Variants in BICD1 observed in about 807,000 individuals in gnomAD.
BICD1 encodes the protein protein bicaudal D homolog 1.
In BICD1, 35 loss-of-function variants were observed where a neutral mutation model predicts 92.5. The ratio of observed to expected loss-of-function variants is 0.38; its 90% CI spans 0.29 to 0.50. BICD1 has a LOEUF of 0.50. Ranked by LOEUF, BICD1 falls within the 20% of genes least tolerant of loss-of-function variation. The pLI is 0.93. For missense variants in BICD1, 950 were observed against 1,189.8 expected, an observed-to-expected ratio of 0.80 and a Z score of 2.97; for synonymous variants, 429 against 465.1, an observed-to-expected ratio of 0.92 and a Z score of 1.00.
intron 1 of BICD1, among the ~76,000 whole-genome samples, chr12:32,120,430 G>T (rs550889108): frequency 6.6e-6 from 1 of 152,282 alleles, no homozygotes; most frequent in East Asian, 1.9e-4. Flanking sequence ...GCAGTTTGGC[G>T]TGGGTCTGTG....
intron 2 of BICD1, among the ~76,000 whole-genome samples, chr12:32,222,437 G>A (rs78951969): frequency 0.011 from 1,673 of 152,204 alleles, 13 homozygotes; most frequent in Non-Finnish European, 0.015. Flanking sequence ...GATGGGGCAC[G>A]TGGATCAAAG....
At chr12:32,183,081 T>G (rs1235968291) in intron 1 of BICD1, among the ~76,000 whole-genome samples, 15 of 151,388 alleles carry the variant, frequency 9.9e-5, no homozygotes, top group Non-Finnish European at 2.2e-4. Flanking sequence ...TTAAATGTTT[T>G]GTAGAGACGG....
intron 2 of BICD1, among the ~76,000 whole-genome samples, chr12:32,275,756 C>T (rs2136156401): frequency 6.6e-6 from 1 of 152,292 alleles, no homozygotes; most frequent in Middle Eastern, 3.4e-3. Flanking sequence ...TCCAGCGAGA[C>T]TCCCATTGCC....
chr12:32,117,681 CAT>C (rs59928422), intron 1 of BICD1, among the ~76,000 whole-genome samples: 39,580 of 135,524 alleles, frequency 0.29, 6,111 homozygotes, highest in Middle Eastern at 0.37. Context: ...TACGCTTAGT[CAT>C]ATATATATAT....
chr12:32,108,747 A>G (rs1592308266), intron 1 of BICD1: 2 of 640,848 alleles, frequency 3.1e-6, no homozygotes, highest in East Asian at 2.8e-5. Flanking sequence ...TTTTATTTGG[A>G]TGCCTGTCTA....
At chr12:32,241,002 G>A (rs1268560386) in intron 2 of BICD1, among the ~76,000 whole-genome samples, 1 of 152,158 alleles carries the variant, frequency 6.6e-6, no homozygotes, top group Non-Finnish European at 1.5e-5. Flanking sequence ...GGGCCAGTCA[G>A]CAGAGGAGGG....
chr12:32,150,424 T>C (rs1385123406), intron 1 of BICD1, among the ~76,000 whole-genome samples: 1 of 152,206 alleles, frequency 6.6e-6, no homozygotes, highest in African/African-American at 2.4e-5. Flanking sequence ...TTGGGCTTTC[T>C]TTGTACAAAC....
At chr12:32,170,397 A>G (rs1001092065) in intron 1 of BICD1, among the ~76,000 whole-genome samples, 30 of 152,224 alleles carry the variant, frequency 2.0e-4, no homozygotes, top group African/African-American at 7.2e-4. Context: ...TGTCTGAGCC[A>G]CTTATGAACA....
chr12:32,346,635 C>T (rs1176788926), intron 8 of BICD1, among the ~76,000 whole-genome samples: 26 of 25,120 alleles, frequency 1.0e-3, no homozygotes, highest in South Asian at 2.6e-3. Flanking sequence ...TATATATATA[C>T]GTGTATATAT....
At chr12:32,123,722 C>A (rs1027292473) in intron 1 of BICD1, among the ~76,000 whole-genome samples, 2 of 151,992 alleles carry the variant, frequency 1.3e-5, no homozygotes, top group Admixed American at 1.3e-4. Context: ...ATTAAAAATA[C>A]AAAAAATAAG....
chr12:32,195,279 G>A (rs527495588), intron 1 of BICD1, among the ~76,000 whole-genome samples: 1 of 152,234 alleles, frequency 6.6e-6, no homozygotes, highest in Admixed American at 6.5e-5. Flanking sequence ...TATTTGTATG[G>A]AATTGCAAAA....
intron 4 of BICD1, among the ~76,000 whole-genome samples, chr12:32,325,956 G>A (rs1350591048): frequency 4.6e-5 from 7 of 151,574 alleles, no homozygotes; most frequent in Admixed American, 4.0e-4. Flanking sequence ...GGTCGTGGGC[G>A]CCTGTAGTCC....
intron 1 of BICD1, among the ~76,000 whole-genome samples, chr12:32,118,091 A>ATTTTATTTTATTTTATTTTTTTTTT (rs1555126592): frequency 6.4e-5 from 3 of 46,832 alleles, no homozygotes; most frequent in Non-Finnish European, 9.7e-5. Context: ...TATTTTATTT[A>ATTTTATTTTATTTTATTTTTTTTTT]TTTTTTTTGA....
intron 2 of BICD1, among the ~76,000 whole-genome samples, chr12:32,268,314 G>T (rs1326947851): frequency 6.6e-6 from 1 of 152,046 alleles, no homozygotes; most frequent in East Asian, 1.9e-4. Context: ...TGCCCATCAG[G>T]GTACTATGGA....
chr12:32,162,718 C>G (rs186388119), intron 1 of BICD1, among the ~76,000 whole-genome samples: 1 of 152,152 alleles, frequency 6.6e-6, no homozygotes, highest in East Asian at 1.9e-4. Flanking sequence ...TATGGTGGCT[C>G]ATGCCTGTAA....
At chr12:32,144,115 G>A (rs1943034800) in intron 1 of BICD1, among the ~76,000 whole-genome samples, 3 of 151,964 alleles carry the variant, frequency 2.0e-5, no homozygotes, top group African/African-American at 7.2e-5. Context: ...TTCTCAATTT[G>A]GTGAATGTAA....
intron 2 of BICD1, among the ~76,000 whole-genome samples, chr12:32,234,925 T>A (rs181817620): frequency 1.3e-5 from 2 of 152,150 alleles, no homozygotes; most frequent in African/African-American, 2.4e-5. Context: ...GCTCAAGCAG[T>A]CTGCCTGCCT....
In BICD1 at chr12:32,294,110, A is replaced by T; in HGVS notation, c.543A>T (p.Thr181=). The change falls in exon 3 of 10, where the codon ACA becomes ACT. Residue 181 remains threonine (T), a synonymous_variant. Coordinates refer to ENST00000652176, the MANE Select transcript of BICD1 (RefSeq NM_001714.4). ...DYTELEEENI[T]LQKLVSTLKQ... ...CTGAATTGGAAGAAGAAAATATCAC[A>T]TTGCAGAAACTAGTGTCCACGTTGA... 6.2e-7 allele frequency: 1 copy of T among 1,608,180 alleles called. No homozygotes were observed. Among genetic ancestry groups the T allele is most frequent in the Non-Finnish European group, 8.5e-7 (1 of 1,178,804 alleles).
intron 1 of BICD1, among the ~76,000 whole-genome samples, chr12:32,125,410 A>G (rs1942294220): frequency 6.6e-6 from 1 of 151,842 alleles, no homozygotes; most frequent in South Asian, 2.1e-4. Flanking sequence ...TTTAACCTCC[A>G]TTTTCTTTCT....
Sources: allele counts gnomAD v4.1 joint callset (sites outside exome capture counted in the v4.1 genomes callset), GRCh38; gene constraint gnomAD v4.1.1; transcripts MANE v1.5; gene names NCBI Gene and HGNC (gene_info 2026-07-23, HGNC 2026-07-21).